Variants in RBFOX1 observed in about 807,000 individuals in gnomAD.
The protein encoded by RBFOX1 is RNA binding protein fox-1 homolog 1.
In RBFOX1, 8 loss-of-function variants were observed where a neutral mutation model predicts 57.7. That is an observed-to-expected ratio of 0.14 (90% CI 0.08 to 0.25). The LOEUF is 0.25. Ranked by LOEUF, RBFOX1 falls within the 10% of genes least tolerant of loss-of-function variation. The pLI, the probability that RBFOX1 is intolerant of heterozygous loss-of-function variation, is 1.00. For missense variants in RBFOX1, 611 were observed against 548.5 expected, an observed-to-expected ratio of 1.11 and a Z score of -1.14; for synonymous variants, 326 against 222.4, an observed-to-expected ratio of 1.47 and a Z score of -4.15.
intron 1 of RBFOX1, among the ~76,000 whole-genome samples, chr16:5,281,442 T>G (rs1420797253): frequency 6.6e-6 from 1 of 152,216 alleles, no homozygotes; most frequent in Non-Finnish European, 1.5e-5. Flanking sequence ...GTTAGGTCCA[T>G]TTGGTCTAAA....
At chr16:7,452,623 G>C (rs968172922) in intron 4 of RBFOX1, among the ~76,000 whole-genome samples, 1 of 152,158 alleles carries the variant, frequency 6.6e-6, no homozygotes, top group Non-Finnish European at 1.5e-5. Flanking sequence ...GGCACTTGCT[G>C]TGGTGCCAAG....
chr16:7,044,237 A>G (rs183856136), intron 3 of RBFOX1, among the ~76,000 whole-genome samples: 2 of 152,276 alleles, frequency 1.3e-5, no homozygotes, highest in African/African-American at 4.8e-5. Context: ...GGATGAGTAA[A>G]CAAGTGGATT....
rs563069797 is a variant in RBFOX1, at chr16:7,419,887, T to G, written c.28-98260T>G. 3.3e-5 allele frequency among the ~76,000 whole-genome samples: 5 copies of G among 151,352 alleles called. No homozygotes were observed. In the South Asian group the frequency reaches 1.1e-3, roughly 32 times the overall value. ...ATTATACCACTGTATTTTAGCAACC[T>G]GCATTGACCTAAAAGGATCTGTTTT... On this transcript the variant is annotated intron_variant, in intron 4 of 15. Transcript: ENST00000550418.
chr16:6,257,712 A>G (rs534014929), intron 1 of RBFOX1, among the ~76,000 whole-genome samples: 7 of 152,272 alleles, frequency 4.6e-5, no homozygotes, highest in South Asian at 2.1e-4. Context: ...GTTAAGGACA[A>G]TGGCCTCCAG....
intron 4 of RBFOX1, among the ~76,000 whole-genome samples, chr16:7,112,705 T>C (rs1232065086): frequency 8.6e-5 from 13 of 151,614 alleles, no homozygotes; most frequent in Non-Finnish European, 1.8e-4. Flanking sequence ...TCTGTCTGTC[T>C]GTCCGCAAAT....
At chr16:7,361,017 C>G (rs1203298926) in intron 4 of RBFOX1, among the ~76,000 whole-genome samples, 1 of 152,188 alleles carries the variant, frequency 6.6e-6, no homozygotes. Flanking sequence ...GAATGGGAAT[C>G]AACCCAACCA....
At chr16:7,435,149 C>T in intron 4 of RBFOX1, among the ~76,000 whole-genome samples, 1 of 152,156 alleles carries the variant, frequency 6.6e-6, no homozygotes, top group African/African-American at 2.4e-5. Flanking sequence ...CTTTTCTGTT[C>T]CAGGATGTCA....
intron 3 of RBFOX1, among the ~76,000 whole-genome samples, chr16:6,978,000 C>T (rs925697362): frequency 6.6e-6 from 1 of 150,934 alleles, no homozygotes; most frequent in African/African-American, 2.5e-5. Flanking sequence ...GCAAGACACT[C>T]AGCATTCTTG....
chr16:7,416,563 G>T (rs974397874), intron 4 of RBFOX1, among the ~76,000 whole-genome samples: 1 of 152,136 alleles, frequency 6.6e-6, no homozygotes, highest in Non-Finnish European at 1.5e-5. Context: ...ATGTAAAAGT[G>T]CAAGATCCTC....
intron 1 of RBFOX1, among the ~76,000 whole-genome samples, chr16:6,278,673 T>C (rs928538614): frequency 6.6e-5 from 10 of 152,174 alleles, no homozygotes; most frequent in African/African-American, 2.4e-4. Flanking sequence ...TGTACTTTTT[T>C]CTCATAATCC....
chr16:5,980,982 C>T (rs2060161005), intron 4 of RBFOX1, among the ~76,000 whole-genome samples: 1 of 152,296 alleles, frequency 6.6e-6, no homozygotes, highest in South Asian at 2.1e-4. Context: ...AGAGTGCGAT[C>T]TGCAGACCCA....
intron 3 of RBFOX1, among the ~76,000 whole-genome samples, chr16:6,877,016 T>G (rs1477735217): frequency 6.6e-6 from 1 of 152,222 alleles, no homozygotes; most frequent in Non-Finnish European, 1.5e-5. Flanking sequence ...ATACTATATT[T>G]CTGCTATTGT....
chr16:5,938,068 C>G (rs569304173), intron 4 of RBFOX1, among the ~76,000 whole-genome samples: 1 of 152,198 alleles, frequency 6.6e-6, no homozygotes, highest in East Asian at 1.9e-4. Context: ...TTTTTGCTAA[C>G]ATTCTGGCCA....
chr16:5,386,915 G>C (rs1420311419), intron 1 of RBFOX1, among the ~76,000 whole-genome samples: 2 of 152,218 alleles, frequency 1.3e-5, no homozygotes, highest in African/African-American at 2.4e-5. Flanking sequence ...GCTGGGCGTG[G>C]TGGTGGGTGC....
At chr16:6,445,320 T>C (rs1303238331) in intron 2 of RBFOX1, among the ~76,000 whole-genome samples, 1 of 152,128 alleles carries the variant, frequency 6.6e-6, no homozygotes, top group Admixed American at 6.6e-5. Context: ...ACATGTGCCA[T>C]GAAGATTTTC....
intron 7 of RBFOX1, among the ~76,000 whole-genome samples, chr16:7,589,096 A>G (rs1602621906): frequency 6.6e-6 from 1 of 152,324 alleles, no homozygotes; most frequent in South Asian, 2.1e-4. Flanking sequence ...AGCAAAGTGC[A>G]TTGAGAGAAA....
chr16:6,256,802 T>C (rs536746815), intron 1 of RBFOX1, among the ~76,000 whole-genome samples: 1 of 152,144 alleles, frequency 6.6e-6, no homozygotes, highest in South Asian at 2.1e-4. Context: ...GGGAAGAAAA[T>C]CACCTTTGGT....
At chr16:6,351,352 G>GTGTGTATA (rs1474177476) in intron 2 of RBFOX1, among the ~76,000 whole-genome samples, 6 of 92,456 alleles carry the variant, frequency 6.5e-5, no homozygotes, top group African/African-American at 2.5e-4. Flanking sequence ...GTGTGTGTGT[G>GTGTGTATA]TATATATATA....
At chr16:7,335,186 C>T (rs548589559) in intron 4 of RBFOX1, among the ~76,000 whole-genome samples, 13 of 152,300 alleles carry the variant, frequency 8.5e-5, no homozygotes, top group South Asian at 4.1e-4. Flanking sequence ...AGCTCTGAGC[C>T]GATGTTTCTG....
Sources: gnomAD v4.1 joint callset for allele counts (sites outside exome capture counted in the v4.1 genomes callset) on GRCh38, gnomAD v4.1.1 for gene constraint, MANE v1.5 for transcripts, NCBI Gene and HGNC (gene_info 2026-07-23, HGNC 2026-07-21) for gene names.